TRIQK: variants seen among roughly 807,000 people sequenced by gnomAD.
The protein encoded by TRIQK is triple QxxK/R motif-containing protein.
Under a neutral mutation model 10.8 loss-of-function variants are expected in TRIQK, and 10 were observed. The observed-to-expected ratio is 0.92, with a 90% confidence interval of 0.57 to 1.57. TRIQK has a LOEUF of 1.57. Among genes scored for constraint, TRIQK ranks in the 40% most tolerant of loss-of-function variants. The pLI, the probability that TRIQK is intolerant of heterozygous loss-of-function variation, is 0.00. For missense variants in TRIQK, 107 were observed against 97.7 expected (o/e 1.09, Z -0.40); for synonymous variants, 33 against 33.7 (o/e 0.98, Z 0.07).
rs939805990 is a variant in TRIQK, at chr8:92,884,851, G to C, written c.*1771C>G. The C allele has an allele frequency of 4.4e-6, 2 of 455,936 alleles. No homozygotes were observed. The highest frequency in any genetic ancestry group is 4.7e-5 in the Admixed American group (2 of 42,466). The allele number at this position is 455,936 out of a possible 1,614,324, so 28.2% of individuals were successfully genotyped here. On this transcript the variant is annotated 3_prime_UTR_variant, in exon 5 of 5. Transcript: ENST00000521988. ...TCACGTAAATGTGATGGGAGTGGGG[G>C]GGTGGGGAGCAGTATTTCTTGACAT...
At chr8:92,956,462 T>C (rs771094707) in intron 1 of TRIQK, among the ~76,000 whole-genome samples, 4 of 151,820 alleles carry the variant, frequency 2.6e-5, no homozygotes, top group Non-Finnish European at 5.9e-5. Context: ...TGAAATTAGA[T>C]AGTTGCACAA....
intron 2 of TRIQK, among the ~76,000 whole-genome samples, chr8:92,948,974 C>G (rs1811691554): frequency 6.6e-6 from 1 of 152,142 alleles, no homozygotes; most frequent in African/African-American, 2.4e-5. Context: ...TGAGTTTTGG[C>G]CAAAGGTGGC....
chr8:92,989,208 G>A (rs1813068480), intron 1 of TRIQK, among the ~76,000 whole-genome samples: 2 of 152,190 alleles, frequency 1.3e-5, no homozygotes, highest in East Asian at 1.9e-4. Flanking sequence ...AATTTTAGGT[G>A]TATCAAACGT....
Position 92,891,978 on chromosome 8 carries a change from T to C in TRIQK, c.147+11A>G, listed in dbSNP as rs1235463409. The C allele has an allele frequency of 6.6e-7, 1 of 1,522,636 alleles. No homozygotes were observed. Among genetic ancestry groups the C allele is most frequent in the Non-Finnish European group, 8.8e-7 (1 of 1,138,352 alleles). 94.3% of individuals were successfully genotyped at this position (1,522,636 alleles called of 1,614,324 possible). On this transcript the variant is annotated intron_variant, in intron 4 of 4. Transcript: ENST00000521988. ...CATATCAAATTTTAAAGTTATCAAA[T>C]AGAGGTTTACCTTTATGCCTATTGC...
At chr8:92,902,464 G>A (rs183502685) in intron 3 of TRIQK, among the ~76,000 whole-genome samples, 6 of 152,290 alleles carry the variant, frequency 3.9e-5, no homozygotes, top group African/African-American at 1.4e-4. Flanking sequence ...GTACGGGAAA[G>A]GGGTGGTATA....
At chr8:92,900,764 T>G (rs1389718113) in intron 3 of TRIQK, among the ~76,000 whole-genome samples, 1 of 152,124 alleles carries the variant, frequency 6.6e-6, no homozygotes, top group Non-Finnish European at 1.5e-5. Flanking sequence ...TTACTTTTTC[T>G]ATTTCTGTAA....
intron 1 of TRIQK, among the ~76,000 whole-genome samples, chr8:92,998,685 T>G (rs1410250875): frequency 6.6e-6 from 1 of 152,076 alleles, no homozygotes; most frequent in Non-Finnish European, 1.5e-5. Context: ...TTTCATTAGT[T>G]TTTATTCATT....
Position 92,886,699 on chromosome 8 carries a change from G to A in TRIQK, c.184C>T (p.Leu62=). The change falls in exon 5 of 5, where the codon CTA becomes TTA. Residue 62 remains leucine, a synonymous_variant. Transcript: ENST00000521988. ...GLVLAAILAL[L]LAFYAFFYLR... ...TAAAAGAAAGCATAGAAAGCCAGTAGTAGTGCCAATATAGCTGCAAGTACA... is the reference window on the plus strand; with the variant it reads ...TAAAAGAAAGCATAGAAAGCCAGTAATAGTGCCAATATAGCTGCAAGTACA... The A allele has an allele frequency of 6.5e-7, 1 of 1,532,774 alleles. No homozygotes were observed. The highest frequency in any genetic ancestry group is 8.7e-7 in the Non-Finnish European group (1 of 1,143,744). The allele number at this position is 1,532,774 out of a possible 1,614,324, so 94.9% of individuals were successfully genotyped here. A position where few individuals can be genotyped will look rare whatever the true frequency, so the allele number is the denominator to read the frequency against.
At chr8:92,933,358 G>A (rs10092084) in intron 2 of TRIQK, among the ~76,000 whole-genome samples, 65,772 of 151,894 alleles carry the variant, frequency 0.43, 15,062 homozygotes, top group Admixed American at 0.59. Context: ...GATAAGAACC[G>A]ATTTGAATTA....
At chr8:92,932,056 C>T (rs1454620435) in intron 2 of TRIQK, among the ~76,000 whole-genome samples, 3 of 152,158 alleles carry the variant, frequency 2.0e-5, no homozygotes, top group African/African-American at 7.2e-5. Flanking sequence ...AATACTCTGT[C>T]GTCAAACTTC....
intron 1 of TRIQK, among the ~76,000 whole-genome samples, chr8:92,990,809 C>T (rs1387558810): frequency 1.3e-5 from 2 of 152,164 alleles, no homozygotes; most frequent in Non-Finnish European, 2.9e-5. Flanking sequence ...GGATTTCAAG[C>T]ACAAAACTGG....
intron 1 of TRIQK, among the ~76,000 whole-genome samples, chr8:92,980,705 T>A (rs1812978282): frequency 6.6e-6 from 1 of 152,006 alleles, no homozygotes; most frequent in African/African-American, 2.4e-5. Flanking sequence ...TAATGGCATA[T>A]AATTACTCAT....
intron 1 of TRIQK, among the ~76,000 whole-genome samples, chr8:93,016,032 GT>G (rs1217458070): frequency 6.6e-6 from 1 of 152,072 alleles, no homozygotes; most frequent in East Asian, 1.9e-4. Flanking sequence ...TATAATGTAT[GT>G]TAAAAACATC....
At chr8:92,959,656 T>C (rs557503431) in intron 1 of TRIQK, among the ~76,000 whole-genome samples, 1 of 152,120 alleles carries the variant, frequency 6.6e-6, no homozygotes, top group South Asian at 2.1e-4. Context: ...GGGTGAAAAA[T>C]ATCTTAAATC....
chr8:92,913,610 CAT>C (rs1415630266), intron 3 of TRIQK, among the ~76,000 whole-genome samples: 1 of 152,106 alleles, frequency 6.6e-6, no homozygotes, highest in East Asian at 1.9e-4. Flanking sequence ...CAAGCAATTC[CAT>C]TACTGGGTAT....
chr8:92,897,653 A>G (rs1441503850), intron 3 of TRIQK, among the ~76,000 whole-genome samples: 1 of 152,158 alleles, frequency 6.6e-6, no homozygotes, highest in Non-Finnish European at 1.5e-5. Flanking sequence ...TTTATAAATT[A>G]CCCAGTCTCA....
chr8:92,990,920 A>G (rs1365278358), intron 1 of TRIQK, among the ~76,000 whole-genome samples: 1 of 152,122 alleles, frequency 6.6e-6, no homozygotes, highest in Non-Finnish European at 1.5e-5. Context: ...ACTGCCCTGA[A>G]AAGGGGGCTG....
chr8:92,892,206 G>T, intron 3 of TRIQK, 132 bp from the exon 4 acceptor site: 1 of 599,732 alleles, frequency 1.7e-6, no homozygotes, highest in East Asian at 3.3e-5. Context: ...CCCAGTTGTG[G>T]TAACCATAAA....
At chr8:93,014,558 G>A (rs897744802) in intron 1 of TRIQK, among the ~76,000 whole-genome samples, 4 of 152,028 alleles carry the variant, frequency 2.6e-5, no homozygotes, top group Non-Finnish European at 5.9e-5. Context: ...TGGTTGTTCT[G>A]AGTTGTTGTG....
Sources: allele counts gnomAD v4.1 joint callset (sites outside exome capture counted in the v4.1 genomes callset), GRCh38; gene constraint gnomAD v4.1.1; transcripts MANE v1.5; gene names NCBI Gene and HGNC (gene_info 2026-07-23, HGNC 2026-07-21).